Variants in TRHDE observed in about 807,000 individuals in gnomAD.
TRHDE encodes the protein thyrotropin-releasing hormone-degrading ectoenzyme.
Under a neutral mutation model 125.7 loss-of-function variants are expected in TRHDE, and 72 were observed. The observed-to-expected ratio is 0.57, with a 90% CI of 0.47 to 0.70. TRHDE has a LOEUF of 0.70. Ranked by LOEUF, TRHDE falls within the 30% of genes least tolerant of loss-of-function variation. TRHDE has a pLI of 0.00. For missense variants in TRHDE, 1,110 were observed against 1,327.1 expected, an observed-to-expected ratio of 0.84 and a Z score of 2.54; for synonymous variants, 509 against 509.1, an observed-to-expected ratio of 1.00 and a Z score of 0.00.
At chr12:72,621,811 T>C in intron 15 of TRHDE, 60 bp downstream of exon 15, 3 of 1,237,810 alleles carry the variant, frequency 2.4e-6, no homozygotes, top group Non-Finnish European at 3.4e-6. Context: ...AGAGTCTCAG[T>C]GGATGCATTT....
At chr12:72,638,908 C>T (rs913471817) in intron 15 of TRHDE, among the ~76,000 whole-genome samples, 4 of 150,796 alleles carry the variant, frequency 2.7e-5, no homozygotes, top group Admixed American at 1.3e-4. Context: ...TTGAGGGTAA[C>T]CCGACCTTCC....
At chr12:72,621,621 G>T (rs1192174950) in intron 14 of TRHDE, 23 bp from the exon 15 acceptor site, 3 of 1,528,592 alleles carry the variant, frequency 2.0e-6, no homozygotes, top group Non-Finnish European at 2.7e-6. Flanking sequence ...TTTTTAATTT[G>T]TTTCCCTTTT....
At chr12:72,133,925 G>C (rs1269712678) in intron 2 of TRHDE, among the ~76,000 whole-genome samples, 2 of 152,176 alleles carry the variant, frequency 1.3e-5, no homozygotes, top group Non-Finnish European at 2.9e-5. Flanking sequence ...AGGTGATGTT[G>C]CTGACTGCAA....
chr12:72,588,837 T>C (rs1871550827), intron 12 of TRHDE, among the ~76,000 whole-genome samples: 1 of 152,152 alleles, frequency 6.6e-6, no homozygotes, highest in African/African-American at 2.4e-5. Context: ...AAGTTCTGCA[T>C]GGCTGGGATG....
chr12:72,175,982 T>C (rs1014016230), intron 2 of TRHDE, among the ~76,000 whole-genome samples: 1 of 152,174 alleles, frequency 6.6e-6, no homozygotes, highest in South Asian at 2.1e-4. Context: ...AGAGGCAGAA[T>C]TGGTCTGAGA....
intron 6 of TRHDE, among the ~76,000 whole-genome samples, chr12:72,522,171 C>T (rs1225395577): frequency 6.6e-6 from 1 of 152,160 alleles, no homozygotes; most frequent in Non-Finnish European, 1.5e-5. Flanking sequence ...AGTCAGGATT[C>T]AAACACTGGC....
chr12:72,629,754 A>G (rs11179292), intron 15 of TRHDE, among the ~76,000 whole-genome samples: 23 of 151,654 alleles, frequency 1.5e-4, no homozygotes, highest in Non-Finnish European at 2.5e-4. Context: ...ACTACAAAGA[A>G]GAGATTTCCT....
chr12:72,239,996 A>G (rs1878442388), intron 2 of TRHDE, among the ~76,000 whole-genome samples: 1 of 152,172 alleles, frequency 6.6e-6, no homozygotes, highest in South Asian at 2.1e-4. Flanking sequence ...GAATTTTTGT[A>G]TAGTTTTACT....
At chr12:72,567,148 G>A (rs1233633569) in intron 9 of TRHDE, among the ~76,000 whole-genome samples, 1 of 140,890 alleles carries the variant, frequency 7.1e-6, no homozygotes, top group East Asian at 2.3e-4. Flanking sequence ...TATATTGAAA[G>A]CTTGGAAGTA....
chr12:72,660,668 G>C (rs185000767), intron 18 of TRHDE, among the ~76,000 whole-genome samples: 1 of 152,244 alleles, frequency 6.6e-6, no homozygotes, highest in East Asian at 1.9e-4. Context: ...TTATACTAAT[G>C]ATTGATAATT....
intron 3 of TRHDE, among the ~76,000 whole-genome samples, chr12:72,430,583 T>C (rs1014226306): frequency 5.3e-5 from 8 of 151,582 alleles, no homozygotes; most frequent in Non-Finnish European, 1.0e-4. Flanking sequence ...ACCATAAATA[T>C]GAGGATTGTT....
chr12:72,205,644 G>A (rs1235929224), intron 2 of TRHDE, among the ~76,000 whole-genome samples: 1 of 152,064 alleles, frequency 6.6e-6, no homozygotes, highest in Non-Finnish European at 1.5e-5. Context: ...TTCACTTAAC[G>A]TAATATCTTC....
chr12:72,611,454 G>A (rs796424487), intron 12 of TRHDE: 13 of 152,272 alleles, frequency 8.5e-5, no homozygotes, highest in African/African-American at 3.1e-4. Flanking sequence ...ACCAGAGGGT[G>A]AATTCTGAAC....
intron 5 of TRHDE, among the ~76,000 whole-genome samples, chr12:72,486,882 C>T (rs963863753): frequency 4.0e-5 from 6 of 151,798 alleles, no homozygotes; most frequent in Non-Finnish European, 8.8e-5. Context: ...CAACAACATA[C>T]AAAAAGAATA....
intron 2 of TRHDE, among the ~76,000 whole-genome samples, chr12:72,242,997 A>G (rs1045463171): frequency 6.6e-6 from 1 of 152,196 alleles, no homozygotes; most frequent in Non-Finnish European, 1.5e-5. Flanking sequence ...CTACTAGGAG[A>G]GACACACAAG....
At chr12:72,436,502 G>T (rs1874752256) in intron 3 of TRHDE, among the ~76,000 whole-genome samples, 1 of 151,854 alleles carries the variant, frequency 6.6e-6, no homozygotes, top group African/African-American at 2.4e-5. Context: ...TATTTTGAAG[G>T]ACTACAAAGT....
At chr12:72,382,444 G>A (rs140291974) in intron 3 of TRHDE, among the ~76,000 whole-genome samples, 135 of 152,216 alleles carry the variant, frequency 8.9e-4, no homozygotes, top group African/African-American at 3.1e-3. Flanking sequence ...AGACAGGCCT[G>A]TAGTATAACA....
chr12:72,428,469 G>A (rs1874283796), intron 3 of TRHDE, among the ~76,000 whole-genome samples: 1 of 152,082 alleles, frequency 6.6e-6, no homozygotes. Context: ...TATCAAAAAG[G>A]ATCAAGCATT....
chr12:72,653,098 C>T lies in TRHDE; in HGVS notation c.2926C>T (p.His976Tyr), dbSNP rs761023514. ...CATAATCCATGTAGCTCGAAATCCA[C>T]ATGGTCGAGACCTTGCCTGGAAGTT... ...DVIIHVARNPHGRDLAWKFFR... is the reference protein window; with the variant it reads ...DVIIHVARNPYGRDLAWKFFR... The change falls in exon 17 of 19, where the codon CAT becomes TAT. Residue 976 changes from histidine to tyrosine, a missense_variant. Coordinates refer to ENST00000261180, the MANE Select transcript of TRHDE (RefSeq NM_013381.3). The T allele has an allele frequency of 5.0e-6, 8 of 1,609,672 alleles. No homozygotes were observed. Among genetic ancestry groups the T allele is most frequent in the African/African-American group, 1.3e-5 (1 of 74,734 alleles).
Sources: gnomAD v4.1 joint callset for allele counts (sites outside exome capture counted in the v4.1 genomes callset) on GRCh38, gnomAD v4.1.1 for gene constraint, MANE v1.5 for transcripts, NCBI Gene and HGNC (gene_info 2026-07-23, HGNC 2026-07-21) for gene names.